The following EIF4G3 variants were observed in gnomAD, a reference collection of about 807,000 sequenced individuals.
EIF4G3 encodes eIF-4-gamma 3.
In EIF4G3, 34 loss-of-function variants were observed where a neutral mutation model predicts 186.4. The ratio of observed to expected loss-of-function variants is 0.18; its 90% CI spans 0.14 to 0.24. EIF4G3 has a LOEUF of 0.24. EIF4G3 is among the 10% of genes least tolerant of loss of function. The pLI is 1.00. For missense variants in EIF4G3, 1,536 were observed against 1,948.5 expected (o/e 0.79, Z 3.99); for synonymous variants, 673 against 679.5 (o/e 0.99, Z 0.15).
chr1:21,155,039 G>T (rs2097620277), intron 2 of EIF4G3, among the ~76,000 whole-genome samples: 1 of 151,978 alleles, frequency 6.6e-6, no homozygotes, highest in South Asian at 2.1e-4. Context: ...GAGGCGGGTG[G>T]ATTACTTGAG....
intron 29 of EIF4G3, among the ~76,000 whole-genome samples, chr1:20,841,950 AGG>A (rs1362783755): frequency 2.1e-4 from 31 of 146,380 alleles, no homozygotes; most frequent in Admixed American, 4.9e-4. Context: ...AGAAGGGAGA[AGG>A]CTCATCTAGG....
At chr1:21,109,869 C>A (rs1430899038) in intron 2 of EIF4G3, among the ~76,000 whole-genome samples, 1 of 152,160 alleles carries the variant, frequency 6.6e-6, no homozygotes, top group Non-Finnish European at 1.5e-5. Flanking sequence ...ACTGCAACCT[C>A]CCCCGTCTAG....
intron 12 of EIF4G3, among the ~76,000 whole-genome samples, chr1:20,962,013 T>C (rs748720074): frequency 6.6e-6 from 1 of 152,224 alleles, no homozygotes; most frequent in African/African-American, 2.4e-5. Context: ...GTTTACATTA[T>C]ACTAGGTATC....
chr1:20,859,415 A>G (rs557144374), intron 24 of EIF4G3, among the ~76,000 whole-genome samples: 7 of 152,208 alleles, frequency 4.6e-5, no homozygotes, highest in Non-Finnish European at 7.4e-5. Flanking sequence ...CAACTTCACT[A>G]TGAGCTCTAC....
intron 13 of EIF4G3, among the ~76,000 whole-genome samples, chr1:20,947,952 C>A (rs888707367): frequency 6.6e-6 from 1 of 152,116 alleles, no homozygotes; most frequent in African/African-American, 2.4e-5. Flanking sequence ...AAAATTTTAA[C>A]ATTATTTTTC....
chr1:21,076,587 A>C (rs1015997917), intron 3 of EIF4G3, among the ~76,000 whole-genome samples: 3 of 152,146 alleles, frequency 2.0e-5, no homozygotes, highest in African/African-American at 7.2e-5. Flanking sequence ...ATGATACTGG[A>C]CTAAAAACAT....
At chr1:20,975,185 A>C (rs2076612421) in intron 10 of EIF4G3, among the ~76,000 whole-genome samples, 1 of 152,178 alleles carries the variant, frequency 6.6e-6, no homozygotes, top group Non-Finnish European at 1.5e-5. Context: ...ACAATGAGTA[A>C]ACTATTCTCA....
intron 3 of EIF4G3, among the ~76,000 whole-genome samples, chr1:21,053,658 C>T (rs1253589665): frequency 7.0e-5 from 10 of 142,706 alleles, no homozygotes; most frequent in African/African-American, 2.3e-4. Context: ...TCTGCCCGGC[C>T]GCCCCTACTG....
chr1:20,903,261 T>C (rs1295191998), intron 15 of EIF4G3, among the ~76,000 whole-genome samples: 9 of 152,178 alleles, frequency 5.9e-5, no homozygotes, highest in African/African-American at 1.9e-4. Context: ...AGCGGCAAAT[T>C]TGAGGAATTG....
At chr1:21,083,237 TTAAA>T (rs567204732) in intron 3 of EIF4G3, among the ~76,000 whole-genome samples, 8 of 151,732 alleles carry the variant, frequency 5.3e-5, no homozygotes, top group African/African-American at 1.7e-4. Context: ...TGAGACTCTG[TTAAA>T]TAAATAAATA....
chr1:21,155,262 CAAAAAAAA>C (rs34182850), intron 2 of EIF4G3, among the ~76,000 whole-genome samples: 797 of 43,326 alleles, frequency 0.018, 5 homozygotes, highest in Middle Eastern at 0.053. Flanking sequence ...GACTCTGTCT[CAAAAAAAA>C]AAAAAAAAAA....
At chr1:21,113,658 C>T (rs181879260) in intron 2 of EIF4G3, among the ~76,000 whole-genome samples, 1 of 152,192 alleles carries the variant, frequency 6.6e-6, no homozygotes, top group Admixed American at 6.5e-5. Context: ...CATTGGTCAC[C>T]TGGAAAATAC....
At chr1:20,872,419 G>C (rs1002912010) in intron 20 of EIF4G3, among the ~76,000 whole-genome samples, 1 of 151,980 alleles carries the variant, frequency 6.6e-6, no homozygotes, top group Non-Finnish European at 1.5e-5. Context: ...CACCACAGCT[G>C]GCCACTTTTT....
intron 2 of EIF4G3, among the ~76,000 whole-genome samples, chr1:21,153,774 A>G (rs965176606): frequency 1.1e-4 from 17 of 152,104 alleles, no homozygotes; most frequent in Non-Finnish European, 1.5e-4. Flanking sequence ...CATGTTGGCC[A>G]GGCTGGTCTC....
At chr1:21,128,629 T>C (rs1447627493) in intron 2 of EIF4G3, among the ~76,000 whole-genome samples, 2 of 152,198 alleles carry the variant, frequency 1.3e-5, no homozygotes, top group African/African-American at 4.8e-5. Flanking sequence ...TGGCCTTCAT[T>C]TCTGTATAAT....
At position 20,981,069 on chromosome 1, in the gene EIF4G3, C is replaced by T. The variant is rs559259798; in HGVS notation, c.357G>A (p.Gly119=). 5 of 1,611,404 alleles carry T rather than the reference C, an allele frequency of 3.1e-6. No homozygotes were observed. The highest frequency in any genetic ancestry group is 3.3e-5 in the Admixed American group (2 of 59,774). The part of the protein sequence containing the change: ...HLPMPYPVPQ[G]PQYCIPQYRH... ...TTACCTGTGGTATACAGTACTGAGGCCCCTGGGGCACTGGGTACGGCATGG... is the reference window on the plus strand; with the variant it reads ...TTACCTGTGGTATACAGTACTGAGGTCCCTGGGGCACTGGGTACGGCATGG... The change falls in exon 9 of 37, where the codon GGG becomes GGA. Residue 119 remains glycine, a synonymous_variant. Coordinates refer to ENST00000602326, the MANE Select transcript of EIF4G3 (RefSeq NM_001391906.1).
intron 10 of EIF4G3, among the ~76,000 whole-genome samples, chr1:20,976,852 C>T (rs1350396392): frequency 6.6e-6 from 1 of 152,116 alleles, no homozygotes; most frequent in Non-Finnish European, 1.5e-5. Flanking sequence ...AGCCTTGGTA[C>T]ACGGTGAAAC....
intron 30 of EIF4G3, among the ~76,000 whole-genome samples, chr1:20,834,917 A>G (rs1418512388): frequency 6.6e-6 from 1 of 152,234 alleles, no homozygotes; most frequent in Non-Finnish European, 1.5e-5. Context: ...ACAGCAGCAG[A>G]ATACATATTC....
At chr1:21,002,669 C>T in intron 5 of EIF4G3, 44 bp downstream of exon 5, 3 of 1,599,834 alleles carry the variant, frequency 1.9e-6, no homozygotes, top group Non-Finnish European at 2.6e-6. Flanking sequence ...CACACACAAA[C>T]ACAGGTAGAG....
Sources: gnomAD v4.1 joint callset for allele counts (sites outside exome capture counted in the v4.1 genomes callset) on GRCh38, gnomAD v4.1.1 for gene constraint, MANE v1.5 for transcripts, NCBI Gene and HGNC (gene_info 2026-07-23, HGNC 2026-07-21) for gene names.